The following RABGAP1L variants were observed in gnomAD, a reference collection of about 807,000 sequenced individuals.
The protein encoded by RABGAP1L is rab GTPase-activating protein 1-like.
RABGAP1L carries 63 observed loss-of-function variants against 137.7 expected under a neutral mutation model. The ratio of observed to expected loss-of-function variants is 0.46; its 90% CI spans 0.37 to 0.56. The LOEUF is 0.56. Ranked by LOEUF, RABGAP1L falls within the 20% of genes least tolerant of loss-of-function variation. The probability of loss-of-function intolerance (pLI) is 0.00; values close to 1 mark genes in which losing one functional copy is unlikely to be tolerated. For synonymous variants in RABGAP1L, 431 were observed against 433.7 expected (o/e 0.99, Z 0.08); for missense variants, 1,095 against 1,244.0 (o/e 0.88, Z 1.80).
At chr1:174,302,278 A>G (rs1364651021) in intron 10 of RABGAP1L, among the ~76,000 whole-genome samples, 1 of 152,216 alleles carries the variant, frequency 6.6e-6, no homozygotes, top group Non-Finnish European at 1.5e-5. Context: ...CTCATGCCTC[A>G]TAGTGTTACA....
chr1:174,965,050 T>A, intron 20 of RABGAP1L: 1 of 1,215,248 alleles, frequency 8.2e-7, no homozygotes, highest in Non-Finnish European at 1.1e-6. Flanking sequence ...AAAAATGCAG[T>A]ATCCTCCTCC....
At chr1:174,328,599 G>A (rs998853493) in intron 11 of RABGAP1L, among the ~76,000 whole-genome samples, 30 of 151,974 alleles carry the variant, frequency 2.0e-4, no homozygotes, top group Admixed American at 1.5e-3. Context: ...GTGAAATCCC[G>A]TCTCTACTAA....
Position 174,990,033 on chromosome 1 carries a change from G to A in RABGAP1L, c.*32G>A. The stretch of plus-strand genomic sequence containing the variant: ...CCTTACCCAAGCACAAGAGCACAAT[G>A]TTCAAACCAATGGAAATCTGGGAGG... On this transcript the variant is annotated 3_prime_UTR_variant, in exon 26 of 26. Coordinates refer to ENST00000681986, the MANE Select transcript of RABGAP1L (RefSeq NM_001366446.1). The A allele has an allele frequency of 1.3e-6, 2 of 1,487,730 alleles. No individual in the cohort carries two copies. The highest frequency in any genetic ancestry group is 1.8e-6 in the Non-Finnish European group (2 of 1,096,436). 92.2% of individuals were successfully genotyped at this position (1,487,730 alleles called of 1,614,324 possible).
At chr1:174,271,541 G>T (rs1674558853) in intron 7 of RABGAP1L, among the ~76,000 whole-genome samples, 1 of 152,088 alleles carries the variant, frequency 6.6e-6, no homozygotes, top group Non-Finnish European at 1.5e-5. Context: ...GTTGTTGGCA[G>T]AGGGACCCTG....
intron 11 of RABGAP1L, among the ~76,000 whole-genome samples, chr1:174,317,261 G>A (rs1470672769): frequency 6.6e-6 from 1 of 151,864 alleles, no homozygotes; most frequent in African/African-American, 2.4e-5. Flanking sequence ...GAGTTTCATC[G>A]GAAGCCAGCA....
chr1:174,449,070 C>G (rs560667623), intron 13 of RABGAP1L: 1 of 1,614,084 alleles, frequency 6.2e-7, no homozygotes, highest in South Asian at 1.1e-5. Context: ...TACAGCCTCT[C>G]CAACAGCGTT....
At chr1:174,443,579 A>G (rs1654396402) in intron 13 of RABGAP1L, among the ~76,000 whole-genome samples, 1 of 152,018 alleles carries the variant, frequency 6.6e-6, no homozygotes, top group African/African-American at 2.4e-5. Flanking sequence ...TTTTCTGATT[A>G]TTAATCACTT....
intron 13 of RABGAP1L, among the ~76,000 whole-genome samples, chr1:174,475,772 TAAA>T (rs61597461): frequency 5.7e-5 from 4 of 69,930 alleles, no homozygotes; most frequent in African/African-American, 1.2e-4. Context: ...CCCCGTGTCT[TAAA>T]AAAAAAAAAA....
chr1:174,979,760 T>C (rs1368994065), intron 23 of RABGAP1L, among the ~76,000 whole-genome samples: 1 of 152,226 alleles, frequency 6.6e-6, no homozygotes, highest in Non-Finnish European at 1.5e-5. Context: ...CATAGTGGTC[T>C]CAGAAAGCCC....
At chr1:174,493,057 T>C (rs543894132) in intron 13 of RABGAP1L, among the ~76,000 whole-genome samples, 29 of 151,336 alleles carry the variant, frequency 1.9e-4, no homozygotes, top group Non-Finnish European at 4.0e-4. Flanking sequence ...CTTGGCATAA[T>C]GTATATTTTA....
intron 1 of RABGAP1L, among the ~76,000 whole-genome samples, chr1:174,164,418 T>TA (rs1469651183): frequency 6.6e-6 from 1 of 152,152 alleles, no homozygotes; most frequent in African/African-American, 2.4e-5. Flanking sequence ...TGACCCACAA[T>TA]AAAAAATACA....
chr1:174,975,390 C>T (rs1031440656), intron 21 of RABGAP1L, among the ~76,000 whole-genome samples: 23 of 152,288 alleles, frequency 1.5e-4, no homozygotes, highest in East Asian at 3.9e-4. Context: ...GAGAGCCTGA[C>T]GTGTTAAATA....
Position 174,746,672 on chromosome 1 carries a change from T to A in RABGAP1L, c.2170-5641T>A, listed in dbSNP as rs115249533. Among the ~76,000 whole-genome samples the A allele has an allele frequency of 3.9e-3, 592 of 152,346 alleles. 2 individuals are homozygous for A. Among genetic ancestry groups the A allele is most frequent in the African/African-American group, 0.013 (560 of 41,584 alleles). On this transcript the variant is annotated intron_variant, in intron 17 of 25. Coordinates refer to ENST00000681986, the MANE Select transcript of RABGAP1L (RefSeq NM_001366446.1). ...TTCATTCATTCACATATTCATTGAA[T>A]CATCTTCTCTAACTTAATTGTTTAG...
At chr1:174,358,111 G>A (rs1337982279) in intron 11 of RABGAP1L, among the ~76,000 whole-genome samples, 2 of 151,294 alleles carry the variant, frequency 1.3e-5, no homozygotes, top group Non-Finnish European at 2.9e-5. Context: ...AGTGACTGGC[G>A]AACAAAATTC....
At chr1:174,378,346 C>CTA (rs1380286686) in intron 12 of RABGAP1L, among the ~76,000 whole-genome samples, 2 of 150,912 alleles carry the variant, frequency 1.3e-5, no homozygotes, top group Non-Finnish European at 3.0e-5. Context: ...TTCTAGATCC[C>CTA]TGAGGAATCG....
intron 15 of RABGAP1L, among the ~76,000 whole-genome samples, chr1:174,693,597 ATATTT>A (rs1352317154): frequency 2.6e-5 from 4 of 151,982 alleles, no homozygotes; most frequent in Non-Finnish European, 4.4e-5. Context: ...TTTGCAAATG[ATATTT>A]TATTTTATGC....
intron 3 of RABGAP1L, among the ~76,000 whole-genome samples, chr1:174,224,012 A>G (rs977296935): frequency 1.3e-5 from 2 of 152,176 alleles, no homozygotes; most frequent in Non-Finnish European, 2.9e-5. Flanking sequence ...GAGTGCAATA[A>G]AATAAAATTA....
chr1:174,270,181 G>C (rs1446195195), intron 7 of RABGAP1L, among the ~76,000 whole-genome samples: 4 of 151,080 alleles, frequency 2.6e-5, no homozygotes, highest in Admixed American at 2.0e-4. Flanking sequence ...AGGTCATGCT[G>C]GTTGGTGGCA....
At chr1:174,879,508 C>G (rs1653797606) in intron 19 of RABGAP1L, among the ~76,000 whole-genome samples, 1 of 152,078 alleles carries the variant, frequency 6.6e-6, no homozygotes, top group Admixed American at 6.5e-5. Context: ...GCTGGGATTG[C>G]AGGTGTGAGC....
Sources: gnomAD v4.1 joint callset for allele counts (sites outside exome capture counted in the v4.1 genomes callset) on GRCh38, gnomAD v4.1.1 for gene constraint, MANE v1.5 for transcripts, NCBI Gene and HGNC (gene_info 2026-07-23, HGNC 2026-07-21) for gene names.